RALYL: variants seen among roughly 807,000 people sequenced by gnomAD.
The protein encoded by RALYL is RNA-binding Raly-like protein.
In RALYL, 29 loss-of-function variants were observed where a neutral mutation model predicts 35.1. That is an observed-to-expected ratio of 0.83 (90% CI 0.61 to 1.13). The LOEUF (loss-of-function observed/expected upper bound fraction) is 1.13. Among genes scored for constraint, RALYL ranks in the 50% most tolerant of loss-of-function variants. The pLI, the probability that RALYL is intolerant of heterozygous loss-of-function variation, is 0.00. For missense variants in RALYL, 359 were observed against 360.4 expected (o/e 1.00, Z 0.03); for synonymous variants, 120 against 127.6 (o/e 0.94, Z 0.40).
chr8:84,857,259 T>C (rs1469521117), intron 5 of RALYL, among the ~76,000 whole-genome samples: 2 of 152,138 alleles, frequency 1.3e-5, no homozygotes, highest in East Asian at 1.9e-4. Flanking sequence ...CTGGTGAGAA[T>C]ATGGCCCTGA....
At chr8:84,229,615 C>T (rs1824852059) in intron 1 of RALYL, among the ~76,000 whole-genome samples, 1 of 152,018 alleles carries the variant, frequency 6.6e-6, no homozygotes, top group African/African-American at 2.4e-5. Flanking sequence ...TAGCTGCCCA[C>T]ATCTCTCACT....
At chr8:84,376,176 C>G (rs1025833194) in intron 1 of RALYL, among the ~76,000 whole-genome samples, 2 of 151,764 alleles carry the variant, frequency 1.3e-5, no homozygotes, top group African/African-American at 2.4e-5. Flanking sequence ...GACTTATACT[C>G]AAGGAACAAG....
intron 4 of RALYL, among the ~76,000 whole-genome samples, chr8:84,835,303 A>G (rs955321425): frequency 4.6e-5 from 7 of 152,134 alleles, no homozygotes; most frequent in African/African-American, 1.7e-4. Context: ...ATAGCACAGA[A>G]AGTGGAATTT....
At chr8:84,637,956 T>G (rs1167249488) in intron 2 of RALYL, among the ~76,000 whole-genome samples, 1 of 151,854 alleles carries the variant, frequency 6.6e-6, no homozygotes, top group Admixed American at 6.6e-5. Flanking sequence ...CTAGAACAAA[T>G]AGACTTAACA....
At chr8:84,860,239 G>T (rs780018901) in intron 5 of RALYL, among the ~76,000 whole-genome samples, 15 of 152,122 alleles carry the variant, frequency 9.9e-5, no homozygotes, top group Non-Finnish European at 1.6e-4. Context: ...TGTATATTTT[G>T]ATTGTGTTTT....
chr8:84,740,364 AG>A (rs1418855724), intron 2 of RALYL, among the ~76,000 whole-genome samples: 3 of 152,044 alleles, frequency 2.0e-5, no homozygotes, highest in Admixed American at 1.3e-4. Context: ...GGAGAAGAAA[AG>A]AGAAACAAAG....
intron 2 of RALYL, among the ~76,000 whole-genome samples, chr8:84,563,587 C>T (rs1301376322): frequency 1.3e-5 from 2 of 151,014 alleles, no homozygotes; most frequent in African/African-American, 4.9e-5. Flanking sequence ...TTTTAAATTA[C>T]CAGCGGTCGA....
chr8:84,293,851 T>G (rs1839247042), intron 1 of RALYL, among the ~76,000 whole-genome samples: 1 of 152,132 alleles, frequency 6.6e-6, no homozygotes, highest in Non-Finnish European at 1.5e-5. Flanking sequence ...GAAACTTTCC[T>G]TACTACTTCT....
chr8:84,371,539 T>TCTCA (rs1475375050), intron 1 of RALYL, among the ~76,000 whole-genome samples: 2 of 144,072 alleles, frequency 1.4e-5, no homozygotes, highest in African/African-American at 5.2e-5. Flanking sequence ...TTTATGATTA[T>TCTCA]CACACACACA....
chr8:84,363,314 T>C (rs1409541433), intron 1 of RALYL, among the ~76,000 whole-genome samples: 1 of 152,178 alleles, frequency 6.6e-6, no homozygotes, highest in Non-Finnish European at 1.5e-5. Context: ...CATAGGCACA[T>C]GACCCAGGAC....
chr8:84,888,270 G>A (rs1348167646), intron 8 of RALYL, among the ~76,000 whole-genome samples: 2 of 152,142 alleles, frequency 1.3e-5, no homozygotes, highest in African/African-American at 2.4e-5. Flanking sequence ...TGCCTGTACT[G>A]CCTGATAATC....
chr8:84,831,026 G>A (rs2134387832), intron 4 of RALYL, among the ~76,000 whole-genome samples: 1 of 152,020 alleles, frequency 6.6e-6, no homozygotes, highest in South Asian at 2.1e-4. Context: ...AATATTCCAT[G>A]AGAAAAATAG....
chr8:84,434,890 A>T (rs550519943), intron 1 of RALYL, among the ~76,000 whole-genome samples: 1 of 152,288 alleles, frequency 6.6e-6, no homozygotes, highest in East Asian at 1.9e-4. Flanking sequence ...TCAAACTGCT[A>T]ATATTGATTT....
At chr8:84,816,032 C>CAAAAAAAAAAAAAAAAA (rs5892931) in intron 4 of RALYL, among the ~76,000 whole-genome samples, 33 of 84,150 alleles carry the variant, frequency 3.9e-4, no homozygotes, top group Non-Finnish European at 5.8e-4. Context: ...GACTCTGTCT[C>CAAAAAAAAAAAAAAAAA]AAAAAAAAAA....
intron 1 of RALYL, among the ~76,000 whole-genome samples, chr8:84,450,824 T>G (rs187105890): frequency 6.6e-6 from 1 of 151,990 alleles, no homozygotes; most frequent in Non-Finnish European, 1.5e-5. Flanking sequence ...TCAAAAAGAT[T>G]CCATCAAATT....
At chr8:84,776,477 A>G (rs1428482858) in intron 3 of RALYL, among the ~76,000 whole-genome samples, 3 of 152,336 alleles carry the variant, frequency 2.0e-5, no homozygotes, top group East Asian at 3.9e-4. Flanking sequence ...AAGAGCAGAG[A>G]TGATGTTATC....
Position 84,797,177 on chromosome 8 carries a change from C to T in RALYL, c.333-7593C>T, listed in dbSNP as rs191727205. ...TGGAAAGCATCACATGGTGAAGAAA[C>T]GCATGCACAAAACAGAGCGAAAAAG... is the stretch of plus-strand genomic sequence containing the variant. On this transcript the variant is annotated intron_variant, in intron 3 of 8. Transcript: ENST00000521268. Among the ~76,000 whole-genome samples, 16 of 152,266 alleles carry T rather than the reference C, an allele frequency of 1.1e-4. No homozygotes were observed. In the East Asian group the frequency reaches 2.7e-3, roughly 26 times the overall value.
intron 1 of RALYL, among the ~76,000 whole-genome samples, chr8:84,519,282 T>C (rs1169222761): frequency 1.3e-5 from 2 of 152,198 alleles, no homozygotes; most frequent in Admixed American, 6.5e-5. Context: ...TCTTATAATT[T>C]AAGAAAAATG....
intron 2 of RALYL, among the ~76,000 whole-genome samples, chr8:84,697,627 G>A (rs1018047043): frequency 6.6e-6 from 1 of 152,112 alleles, no homozygotes; most frequent in Admixed American, 6.6e-5. Flanking sequence ...GAAAGTGCAG[G>A]TTTGTTATAC....
Sources: allele counts gnomAD v4.1 joint callset (sites outside exome capture counted in the v4.1 genomes callset), GRCh38; gene constraint gnomAD v4.1.1; transcripts MANE v1.5; gene names NCBI Gene and HGNC (gene_info 2026-07-23, HGNC 2026-07-21).